Variants in KCTD16 observed in about 807,000 individuals in gnomAD.
KCTD16 encodes BTB/POZ domain-containing protein KCTD16.
A neutral mutation model predicts 33.2 loss-of-function variants in KCTD16; 13 were observed. That is an observed-to-expected ratio of 0.39 (90% CI 0.25 to 0.62). KCTD16 has a LOEUF of 0.62. Among genes scored for constraint, KCTD16 ranks in the 20% least tolerant of loss-of-function variants. The probability of loss-of-function intolerance (pLI) is 0.50; values close to 1 mark genes in which losing one functional copy is unlikely to be tolerated. For synonymous variants in KCTD16, 197 were observed against 195.3 expected (o/e 1.01, Z -0.07); for missense variants, 441 against 525.1 (o/e 0.84, Z 1.57).
chr5:144,367,762 T>G (rs10040935), intron 3 of KCTD16, among the ~76,000 whole-genome samples: 17,990 of 150,192 alleles, frequency 0.12, 2,833 homozygotes, highest in African/African-American at 0.37. Flanking sequence ...AAAGATACAT[T>G]GTGGGATGCT....
chr5:144,235,763 A>T (rs1754234215), intron 3 of KCTD16, among the ~76,000 whole-genome samples: 1 of 152,110 alleles, frequency 6.6e-6, no homozygotes. Context: ...GACACTATTG[A>T]AAATTCATGC....
chr5:144,448,756 T>C (rs1425783572), intron 3 of KCTD16, among the ~76,000 whole-genome samples: 3 of 152,204 alleles, frequency 2.0e-5, no homozygotes, highest in Non-Finnish European at 4.4e-5. Flanking sequence ...CATATTCTCT[T>C]AATCAAATCT....
At chr5:144,427,094 G>C (rs1032684351) in intron 3 of KCTD16, among the ~76,000 whole-genome samples, 3 of 152,130 alleles carry the variant, frequency 2.0e-5, no homozygotes, top group African/African-American at 7.2e-5. Flanking sequence ...TGCACAATGG[G>C]AGAATGTAGC....
chr5:144,301,060 G>T (rs1055649042), intron 3 of KCTD16, among the ~76,000 whole-genome samples: 2 of 152,044 alleles, frequency 1.3e-5, no homozygotes, highest in African/African-American at 2.4e-5. Context: ...GGCCAACACG[G>T]TGAAACCCCG....
chr5:144,372,211 T>G (rs1751983940), intron 3 of KCTD16, among the ~76,000 whole-genome samples: 1 of 152,038 alleles, frequency 6.6e-6, no homozygotes, highest in East Asian at 1.9e-4. Context: ...GCTTCTTTTT[T>G]TTTTTTTGTC....
intron 3 of KCTD16, among the ~76,000 whole-genome samples, chr5:144,434,513 G>A (rs1034748637): frequency 6.6e-6 from 1 of 151,978 alleles, no homozygotes; most frequent in Non-Finnish European, 1.5e-5. Context: ...GGAAAATTAG[G>A]CTCCATTGGT....
At position 144,485,381 on chromosome 5, in the gene KCTD16, A is replaced by G. The variant is rs1222804515; in HGVS notation, c.*11267A>G. 2 of 151,572 alleles carry G rather than the reference A, an allele frequency of 1.3e-5. No homozygotes were observed. The highest frequency in any genetic ancestry group is 2.9e-5 in the Non-Finnish European group (2 of 67,822). 9.4% of individuals were successfully genotyped at this position (151,572 alleles called of 1,614,324 possible). On this transcript the variant is annotated 3_prime_UTR_variant, in exon 4 of 4. Transcript: ENST00000512467. Reference sequence around the variant, plus strand: ...TTCTCACTGCCAATGGAAACAAACTACTCTTTTCTTTGGATTCATTGATGG... The same window carrying G: ...TTCTCACTGCCAATGGAAACAAACTGCTCTTTTCTTTGGATTCATTGATGG...
At chr5:144,195,035 C>T (rs1274750173) in intron 2 of KCTD16, among the ~76,000 whole-genome samples, 7 of 152,148 alleles carry the variant, frequency 4.6e-5, no homozygotes, top group African/African-American at 1.7e-4. Flanking sequence ...CACACACTTG[C>T]CTTAAAGAAC....
chr5:144,246,878 A>G (rs1025516501), intron 3 of KCTD16, among the ~76,000 whole-genome samples: 2 of 152,180 alleles, frequency 1.3e-5, no homozygotes, highest in Non-Finnish European at 2.9e-5. Context: ...GAGAAGATGT[A>G]TCAGGGAGAG....
Position 144,421,422 on chromosome 5 carries a change from T to C in KCTD16, c.833-52238T>C, listed in dbSNP as rs543990348. Among the ~76,000 whole-genome samples the C allele has an allele frequency of 2.7e-4, 41 of 152,252 alleles. 3 individuals are homozygous for C. The South Asian group carries it at 8.5e-3, about 32-fold the overall frequency. ...TTATCTACTTGCATGGGTTGATTTA[T>C]AAAGGAGACTGCGGCACATTGGATA... On this transcript the variant is annotated intron_variant, in intron 3 of 3. Transcript: ENST00000512467.
intron 2 of KCTD16, among the ~76,000 whole-genome samples, chr5:144,195,017 C>A (rs1185187188): frequency 6.6e-6 from 1 of 152,100 alleles, no homozygotes; most frequent in African/African-American, 2.4e-5. Context: ...ATTAGATTTC[C>A]TTTGTGTCAC....
chr5:144,279,271 C>T lies in KCTD16; in HGVS notation c.832+71725C>T, dbSNP rs941627155. ...TAGAGACAGTTTTATTTATTCTTTC[C>T]TAATCTGTGTGCATTTTTTTTTATT... is the stretch of plus-strand genomic sequence containing the variant. On this transcript the variant is annotated intron_variant, in intron 3 of 3. Transcript: ENST00000512467. 3.9e-5 allele frequency among the ~76,000 whole-genome samples: 6 copies of T among 152,202 alleles called. No homozygotes were observed. In the East Asian group the frequency reaches 1.2e-3, roughly 29 times the overall value.
intron 3 of KCTD16, among the ~76,000 whole-genome samples, chr5:144,286,054 A>G (rs1755737137): frequency 6.6e-6 from 1 of 150,646 alleles, no homozygotes; most frequent in South Asian, 2.1e-4. Context: ...GTTTTCAATC[A>G]TCACCAATTG....
rs933980464 is a variant in KCTD16, at chr5:144,482,540, G to A, written c.*8426G>A. On this transcript the variant is annotated 3_prime_UTR_variant, in exon 4 of 4. Transcript: ENST00000512467. ...ATCTGCTATTTTCATCTTTTGGCTT[G>A]TTAAACAGTCTCAGGTTTTTATTCA... 2 of 151,742 alleles carry A rather than the reference G, an allele frequency of 1.3e-5. No individual in the cohort carries two copies. Among genetic ancestry groups the A allele is most frequent in the South Asian group, 2.1e-4 (1 of 4,824 alleles). The allele number at this position is 151,742 out of a possible 1,614,324, so 9.4% of individuals were successfully genotyped here. A position where few individuals can be genotyped will look rare whatever the true frequency, so the allele number is the denominator to read the frequency against.
intron 3 of KCTD16, among the ~76,000 whole-genome samples, chr5:144,403,601 G>A (rs548491363): frequency 2.0e-5 from 3 of 152,314 alleles, no homozygotes; most frequent in African/African-American, 4.8e-5. Flanking sequence ...ACTGGTTGTC[G>A]ATTTCTGGCC....
chr5:144,399,887 C>A (rs919527568), intron 3 of KCTD16, among the ~76,000 whole-genome samples: 3 of 152,102 alleles, frequency 2.0e-5, no homozygotes, highest in Admixed American at 6.6e-5. Context: ...GTTTCCGGTG[C>A]TAGAACTTCT....
chr5:144,263,634 T>TA (rs570042550), intron 3 of KCTD16, among the ~76,000 whole-genome samples: 11 of 152,232 alleles, frequency 7.2e-5, no homozygotes, highest in Non-Finnish European at 1.6e-4. Context: ...AAAAAAATGA[T>TA]AAATGTATAC....
chr5:144,394,795 G>T (rs967057764), intron 3 of KCTD16, among the ~76,000 whole-genome samples: 4 of 152,198 alleles, frequency 2.6e-5, no homozygotes, highest in Admixed American at 1.3e-4. Context: ...TGCCATGATT[G>T]TAAGTTTCCT....
At chr5:144,439,358 T>A (rs1451932609) in intron 3 of KCTD16, 2 of 516,204 alleles carry the variant, frequency 3.9e-6, no homozygotes, top group Non-Finnish European at 3.8e-6. Flanking sequence ...AGTATGAATC[T>A]GAATGGAGGA....
Sources: gnomAD v4.1 joint callset for allele counts (sites outside exome capture counted in the v4.1 genomes callset) on GRCh38, gnomAD v4.1.1 for gene constraint, MANE v1.5 for transcripts, NCBI Gene and HGNC (gene_info 2026-07-23, HGNC 2026-07-21) for gene names.